LRCH3: variants seen among roughly 807,000 people sequenced by gnomAD.
LRCH3 encodes DISP complex protein LRCH3.
In LRCH3, 68 loss-of-function variants were observed where a neutral mutation model predicts 104.5. The observed-to-expected ratio is 0.65, with a 90% CI of 0.54 to 0.80. The LOEUF is 0.80. LRCH3 is among the 30% of genes least tolerant of loss of function. LRCH3 has a pLI of 0.00. For synonymous variants in LRCH3, 344 were observed against 361.3 expected (o/e 0.95, Z 0.54); for missense variants, 951 against 953.9 (o/e 1.00, Z 0.04).
At chr3:197,825,138 T>C (rs1437419989) in intron 4 of LRCH3, among the ~76,000 whole-genome samples, 2 of 152,206 alleles carry the variant, frequency 1.3e-5, no homozygotes, top group Non-Finnish European at 2.9e-5. Context: ...TGTTTAAAAT[T>C]GATGGTTGAA....
At chr3:197,809,131 C>G (rs1228702846) in intron 1 of LRCH3, among the ~76,000 whole-genome samples, 1 of 151,892 alleles carries the variant, frequency 6.6e-6, no homozygotes, top group South Asian at 2.1e-4. Flanking sequence ...GACGTCTTCT[C>G]TACCAAAAAT....
In LRCH3 at chr3:197,813,195, A is replaced by G. The variant is rs568942418; in HGVS notation, c.263-1713A>G. ...ATAATCACATCAGGGTAAATGAAGT[A>G]TCCATTACCCCAAGCATTGATGCTT... On this transcript the variant is annotated intron_variant, in intron 1 of 20. Transcript: ENST00000425562. 1.7e-4 allele frequency among the ~76,000 whole-genome samples: 26 copies of G among 152,350 alleles called. No individual in the cohort carries two copies. The South Asian group carries it at 5.4e-3, about 32-fold the overall frequency.
chr3:197,867,825 A>C (rs193283626), intron 17 of LRCH3, among the ~76,000 whole-genome samples: 5,102 of 152,248 alleles, frequency 0.034, 143 homozygotes, highest in Middle Eastern at 0.088. Flanking sequence ...ACCGCACTCC[A>C]GCCTGGGTGA....
chr3:197,812,063 T>C (rs1300975655), intron 1 of LRCH3, among the ~76,000 whole-genome samples: 2 of 152,236 alleles, frequency 1.3e-5, no homozygotes, highest in Admixed American at 1.3e-4. Context: ...TTTAAGCATC[T>C]GTTCAGTGGT....
intron 10 of LRCH3, among the ~76,000 whole-genome samples, chr3:197,845,167 G>A (rs757944167): frequency 2.6e-5 from 4 of 152,130 alleles, no homozygotes; most frequent in Non-Finnish European, 5.9e-5. Flanking sequence ...CCAGCACTTT[G>A]AGAGGCTAAG....
intron 1 of LRCH3, among the ~76,000 whole-genome samples, chr3:197,792,839 A>G (rs1730774233): frequency 6.6e-6 from 1 of 151,204 alleles, no homozygotes; most frequent in African/African-American, 2.4e-5. Context: ...TTTATTAGAG[A>G]CGGGATTTCA....
Position 197,829,609 on chromosome 3 carries a change from C to G in LRCH3, c.823C>G (p.Gln275Glu), listed in dbSNP as rs751456557. The G allele has an allele frequency of 2.5e-6, 4 of 1,612,952 alleles. No homozygotes were observed. The highest frequency in any genetic ancestry group is 1.7e-4 in the Middle Eastern group (1 of 6,058). Residue 275 changes from glutamine (Q) to glutamate (E), a missense_variant, in exon 6 of 21, where the codon CAA (glutamine) becomes GAA (glutamate). Physicochemically the swap from Gln to Glu is conservative, Grantham distance 29 (BLOSUM62 2). Coordinates refer to ENST00000425562, the MANE Select transcript of LRCH3 (RefSeq NM_001365715.1). ...CCACATATTTAAATACCTGAACATA[C>G]AAGCTTGTAAGATTGCTCCAGATCT... ...KVHIFKYLNI[Q>E]ACKIAPDLPD... is the part of the protein sequence containing the mutation.
At chr3:197,824,625 G>T (rs1337800672) in intron 4 of LRCH3, among the ~76,000 whole-genome samples, 7 of 147,546 alleles carry the variant, frequency 4.7e-5, no homozygotes, top group African/African-American at 1.8e-4. Flanking sequence ...GGAGTACAGT[G>T]GCGCGATCTC....
chr3:197,831,017 T>C lies in LRCH3; in HGVS notation c.981+154T>C, dbSNP rs1177863529. On this transcript the variant is annotated intron_variant, in intron 7 of 20. Transcript: ENST00000425562. Reference sequence around the variant, plus strand: ...AAGATTCCCACCCTCTCCAGCAGAATTGGCATTCTGCGTCCTTACCGGCTT... The same window carrying C: ...AAGATTCCCACCCTCTCCAGCAGAACTGGCATTCTGCGTCCTTACCGGCTT... The C allele has an allele frequency of 4.6e-5, 28 of 610,620 alleles. No homozygotes were observed. The East Asian group carries it at 8.5e-4, about 19-fold the overall frequency. 37.8% of individuals were successfully genotyped at this position (610,620 alleles called of 1,614,324 possible). A position where few individuals can be genotyped will look rare whatever the true frequency, so the allele number is the denominator to read the frequency against.
chr3:197,885,993 GTTC>G lies in LRCH3; in HGVS notation c.*2330_*2332del. On this transcript the variant is annotated 3_prime_UTR_variant, in exon 21 of 21. Coordinates refer to ENST00000425562, the MANE Select transcript of LRCH3 (RefSeq NM_001365715.1). ...TGGTCAAAGTAATGTTTTCTTCCTT[GTTC>G]TTGCAGAGAAACAAATTCATCAGAA... 6.6e-6 allele frequency: 1 copy of G among 152,122 alleles called. No homozygotes were observed. Among genetic ancestry groups the G allele is most frequent in the Middle Eastern group, 3.4e-3 (1 of 294 alleles). 9.4% of individuals were successfully genotyped at this position (152,122 alleles called of 1,614,324 possible). A position where few individuals can be genotyped will look rare whatever the true frequency, so the allele number is the denominator to read the frequency against.
intron 19 of LRCH3, among the ~76,000 whole-genome samples, chr3:197,872,185 C>T (rs567505385): frequency 2.0e-5 from 3 of 150,852 alleles, no homozygotes; most frequent in South Asian, 4.2e-4. Flanking sequence ...GGCAAAACCC[C>T]GTCTCTACCA....
At chr3:197,853,009 CTTATT>C (rs894211993) in intron 13 of LRCH3, among the ~76,000 whole-genome samples, 1 of 152,094 alleles carries the variant, frequency 6.6e-6, no homozygotes, top group Non-Finnish European at 1.5e-5. Flanking sequence ...AATGATAACA[CTTATT>C]TTATAATATC....
chr3:197,850,370 C>CTTTTTTTTTTTTT, intron 12 of LRCH3: 1 of 710,370 alleles, frequency 1.4e-6, no homozygotes, highest in East Asian at 3.1e-5. Context: ...TTTTTTTTTC[C>CTTTTTTTTTTTTT]TTTTAATTAC....
intron 1 of LRCH3, among the ~76,000 whole-genome samples, chr3:197,800,025 C>CA (rs771569061): frequency 0.025 from 3,406 of 134,166 alleles, 45 homozygotes; most frequent in African/African-American, 0.047. Flanking sequence ...ACTAAAACTA[C>CA]AAAAAAAAAA....
At chr3:197,791,886 CCTG>C (rs963954022) in intron 1 of LRCH3, among the ~76,000 whole-genome samples, 2 of 152,162 alleles carry the variant, frequency 1.3e-5, no homozygotes, top group Non-Finnish European at 2.9e-5. Flanking sequence ...GCCGAATGGA[CCTG>C]CTAAGACGGG....
intron 20 of LRCH3, chr3:197,881,742 G>T (rs1713790454): frequency 3.0e-6 from 3 of 985,382 alleles, no homozygotes; most frequent in Non-Finnish European, 3.6e-6. Context: ...TCTGAACTCT[G>T]TTAACAAAAT....
intron 20 of LRCH3, chr3:197,881,944 T>C (rs951170535): frequency 1.0e-6 from 1 of 985,358 alleles, no homozygotes; most frequent in African/African-American, 1.7e-5. Context: ...CTATTAATGC[T>C]GAAACACTCA....
intron 14 of LRCH3, among the ~76,000 whole-genome samples, chr3:197,855,590 A>G (rs1269881222): frequency 1.3e-5 from 2 of 152,246 alleles, no homozygotes; most frequent in African/African-American, 4.8e-5. Flanking sequence ...GAGAACCTGC[A>G]TTAAACACCA....
chr3:197,820,733 C>T (rs1734399564), intron 4 of LRCH3, among the ~76,000 whole-genome samples: 1 of 152,098 alleles, frequency 6.6e-6, no homozygotes, highest in African/African-American at 2.4e-5. Flanking sequence ...TCCCTGAGCC[C>T]AGGAGGCCAA....
Sources: gnomAD v4.1 joint callset for allele counts (sites outside exome capture counted in the v4.1 genomes callset) on GRCh38, gnomAD v4.1.1 for gene constraint, MANE v1.5 for transcripts, NCBI Gene and HGNC (gene_info 2026-07-23, HGNC 2026-07-21) for gene names.